The following IL19 variants were observed in gnomAD, a reference collection of about 807,000 sequenced individuals.
IL19 encodes interleukin-19.
IL19 carries 15 observed loss-of-function variants against 19.5 expected under a neutral mutation model. The ratio of observed to expected loss-of-function variants is 0.77; its 90% CI spans 0.52 to 1.19. The LOEUF is 1.19. Ranked by LOEUF, IL19 falls within the 50% of genes most tolerant of loss-of-function variation. The pLI is 0.00. For synonymous variants in IL19, 78 were observed against 78.3 expected (o/e 1.00, Z 0.02); for missense variants, 199 against 213.1 (o/e 0.93, Z 0.41).
intron 2 of IL19, among the ~76,000 whole-genome samples, chr1:206,812,611 T>A (rs1676042287): frequency 6.6e-6 from 1 of 152,164 alleles, no homozygotes; most frequent in Non-Finnish European, 1.5e-5. Flanking sequence ...AGATGACCAC[T>A]TCCCCAGCCC....
chr1:206,798,665 G>A (rs2102459220), intron 1 of IL19, among the ~76,000 whole-genome samples, 196 bp from the exon 2 acceptor site: 1 of 152,018 alleles, frequency 6.6e-6, no homozygotes, highest in Middle Eastern at 3.4e-3. Context: ...AGCGCACCGA[G>A]AAACACCACT....
chr1:206,840,654 T>C (rs755261992), intron 5 of IL19: 96 of 221,576 alleles, frequency 4.3e-4, no homozygotes, highest in Non-Finnish European at 1.7e-4. Flanking sequence ...TAATTAACAA[T>C]TCGTTAAAAT....
In IL19 at chr1:206,842,584, TG is replaced by T; in HGVS notation, c.498del (p.Trp166Ter). 6.3e-7 allele frequency: 1 copy of T among 1,576,026 alleles called. No individual in the cohort carries two copies. The highest frequency in any genetic ancestry group is 8.6e-7 in the Non-Finnish European group (1 of 1,158,588). On this transcript the variant is annotated frameshift_variant, in exon 7 of 7. Coordinates refer to ENST00000659997, the MANE Select transcript of IL19 (RefSeq NM_153758.5). LOFTEE classifies it high-confidence loss of function. ...GGGAGAGCTCGACGTCTTTCTAGCC[TG>T]GATTAATAAGAATCATGAAGTAATG... ...SLGELDVFLA[W>X]INKNHEVMFS...
intron 2 of IL19, among the ~76,000 whole-genome samples, chr1:206,835,233 A>C (rs1373685477): frequency 7.2e-5 from 11 of 152,308 alleles, no homozygotes; most frequent in Non-Finnish European, 1.5e-5. Flanking sequence ...TTGGCTTTCT[A>C]GAAGCACCCC....
intron 1 of IL19, among the ~76,000 whole-genome samples, chr1:206,796,151 G>A (rs944835245): frequency 6.6e-6 from 1 of 152,056 alleles, no homozygotes; most frequent in Non-Finnish European, 1.5e-5. Flanking sequence ...GGCAGGAGAA[G>A]ATGGATGTTT....
chr1:206,828,683 G>C (rs1235556975), intron 2 of IL19, among the ~76,000 whole-genome samples: 1 of 152,156 alleles, frequency 6.6e-6, no homozygotes, highest in South Asian at 2.1e-4. Flanking sequence ...GAAACAAAAA[G>C]TTGTCAGGAG....
At chr1:206,807,903 C>T (rs755081326) in intron 2 of IL19, among the ~76,000 whole-genome samples, 13 of 146,150 alleles carry the variant, frequency 8.9e-5, no homozygotes, top group Non-Finnish European at 1.6e-4. Context: ...ACTATAATTT[C>T]TAAGGTGATG....
intron 1 of IL19, among the ~76,000 whole-genome samples, chr1:206,777,014 G>A (rs1675020510): frequency 6.6e-6 from 1 of 151,056 alleles, no homozygotes; most frequent in African/African-American, 2.4e-5. Flanking sequence ...GACGGATCAC[G>A]AGGTCAGGAG....
At chr1:206,814,609 A>G (rs1026211231) in intron 2 of IL19, among the ~76,000 whole-genome samples, 21 of 151,270 alleles carry the variant, frequency 1.4e-4, no homozygotes, top group African/African-American at 4.9e-4. Flanking sequence ...CATGAGAATC[A>G]CTTGAACCTG....
intron 1 of IL19, among the ~76,000 whole-genome samples, chr1:206,779,372 G>A (rs1342272396): frequency 6.6e-6 from 1 of 152,140 alleles, no homozygotes; most frequent in Admixed American, 6.5e-5. Context: ...GGCTCCCAGA[G>A]CTCAGGGCCT....
chr1:206,771,340 C>T, intron 1 of IL19: 4 of 1,611,128 alleles, frequency 2.5e-6, no homozygotes, highest in Non-Finnish European at 3.4e-6. Context: ...CCCCAGCACC[C>T]CGCCCCTGCT....
At chr1:206,775,079 T>G (rs972124503) in intron 1 of IL19, among the ~76,000 whole-genome samples, 1 of 151,888 alleles carries the variant, frequency 6.6e-6, no homozygotes, top group Non-Finnish European at 1.5e-5. Flanking sequence ...CTCGCTCTGT[T>G]GCCCAGGCTG....
Position 206,842,895 on chromosome 1 carries a change from A to G in IL19, c.*273A>G, listed in dbSNP as rs2102495154. On this transcript the variant is annotated 3_prime_UTR_variant, in exon 7 of 7. Transcript: ENST00000659997. ...AATTTATTGTAAAGTCATATAGTCC[A>G]TGTCTGTGATGTGAGCCAAGTGATA... 1 of 310,318 alleles carries G rather than the reference A, an allele frequency of 3.2e-6. No homozygotes were observed. Among genetic ancestry groups the G allele is most frequent in the Non-Finnish European group, 6.0e-6 (1 of 166,126 alleles). 19.2% of individuals were successfully genotyped at this position (310,318 alleles called of 1,614,324 possible). A position where few individuals can be genotyped will look rare whatever the true frequency, so the allele number is the denominator to read the frequency against.
chr1:206,777,847 A>T (rs1046935208), intron 1 of IL19, among the ~76,000 whole-genome samples: 1 of 152,218 alleles, frequency 6.6e-6, no homozygotes, highest in African/African-American at 2.4e-5. Context: ...CCAGCTTGAA[A>T]TTTCTAGTAT....
chr1:206,798,059 T>G (rs1159569347), intron 1 of IL19, among the ~76,000 whole-genome samples: 1 of 152,072 alleles, frequency 6.6e-6, no homozygotes, highest in African/African-American at 2.4e-5. Flanking sequence ...TGAGGTGGAG[T>G]TGAAGGAGGA....
chr1:206,809,919 C>T lies in IL19; in HGVS notation c.-3+10913C>T, dbSNP rs111608713. Among the ~76,000 whole-genome samples, 267 of 152,348 alleles carry T rather than the reference C, an allele frequency of 1.8e-3. 1 individual carries two copies. Among genetic ancestry groups the T allele is most frequent in the African/African-American group, 6.0e-3 (250 of 41,572 alleles). On this transcript the variant is annotated intron_variant, in intron 2 of 6. Coordinates refer to ENST00000659997, the MANE Select transcript of IL19 (RefSeq NM_153758.5). ...GGTGTGGAATCAACCATCCCAACCA[C>T]GTTTGTGAAAAACCTTATAACAACT... is the stretch of plus-strand genomic sequence containing the variant.
intron 4 of IL19, among the ~76,000 whole-genome samples, chr1:206,837,677 C>T (rs777553904): frequency 1.3e-5 from 2 of 151,996 alleles, no homozygotes; most frequent in East Asian, 1.9e-4. Flanking sequence ...AGCATGACCT[C>T]GTCTCTACAA....
chr1:206,772,210 G>A, intron 1 of IL19: 1 of 1,465,094 alleles, frequency 6.8e-7, no homozygotes, highest in Non-Finnish European at 9.6e-7. Flanking sequence ...ATAGTTCCAG[G>A]AGAATGTCTA....
chr1:206,780,634 A>T (rs1007301650), intron 1 of IL19, among the ~76,000 whole-genome samples: 1 of 152,260 alleles, frequency 6.6e-6, no homozygotes, highest in Non-Finnish European at 1.5e-5. Flanking sequence ...AGGGGGTCTT[A>T]TCAAATTCAC....
Sources: gnomAD v4.1 joint callset for allele counts (sites outside exome capture counted in the v4.1 genomes callset) on GRCh38, gnomAD v4.1.1 for gene constraint, MANE v1.5 for transcripts, NCBI Gene and HGNC (gene_info 2026-07-23, HGNC 2026-07-21) for gene names.